PATJ: variants seen among roughly 807,000 people sequenced by gnomAD.
PATJ encodes inaD-like protein.
PATJ carries 190 observed loss-of-function variants against 224.9 expected under a neutral mutation model. That is an observed-to-expected ratio of 0.84 (90% CI 0.75 to 0.95). The LOEUF is 0.95. Among genes scored for constraint, PATJ ranks in the 40% least tolerant of loss-of-function variants. PATJ has a pLI of 0.00. For synonymous variants in PATJ, 769 were observed against 820.3 expected (o/e 0.94, Z 1.07); for missense variants, 2,121 against 2,270.3 (o/e 0.93, Z 1.34).
chr1:61,820,040 A>T (rs574125880), intron 14 of PATJ, among the ~76,000 whole-genome samples: 9 of 152,038 alleles, frequency 5.9e-5, no homozygotes, highest in African/African-American at 1.7e-4. Context: ...GTATTTAATT[A>T]ATTTATTTAT....
At chr1:62,012,112 T>C (rs1646486913) in intron 28 of PATJ, among the ~76,000 whole-genome samples, 1 of 152,176 alleles carries the variant, frequency 6.6e-6, no homozygotes, top group Non-Finnish European at 1.5e-5. Context: ...GACCTGGTTT[T>C]TGGTTGATAC....
intron 34 of PATJ, among the ~76,000 whole-genome samples, chr1:62,110,692 G>A (rs1167127219): frequency 2.0e-5 from 3 of 152,114 alleles, no homozygotes; most frequent in Admixed American, 2.0e-4. Flanking sequence ...GAGAGTTAAC[G>A]TCTGATTTTC....
chr1:61,909,667 A>G (rs971321290), intron 25 of PATJ, among the ~76,000 whole-genome samples: 8 of 152,096 alleles, frequency 5.3e-5, no homozygotes, highest in Admixed American at 3.3e-4. Context: ...ATAGGGTCTC[A>G]CTTTGTTCCC....
intron 27 of PATJ, among the ~76,000 whole-genome samples, chr1:61,930,122 A>C (rs888582469): frequency 6.6e-6 from 1 of 152,144 alleles, no homozygotes. Flanking sequence ...TGTATATATT[A>C]CTTTTCTCTT....
At chr1:61,834,297 A>G (rs1376933696) in intron 17 of PATJ, among the ~76,000 whole-genome samples, 1 of 152,204 alleles carries the variant, frequency 6.6e-6, no homozygotes, top group Non-Finnish European at 1.5e-5. Context: ...TAGCTTACCT[A>G]TTAATTTCAA....
rs146145234 is a variant in PATJ at position 62,018,823 on chromosome 1, C to A, written c.3959+876C>A. Among the ~76,000 whole-genome samples the A allele has an allele frequency of 1.5e-4, 23 of 152,138 alleles. No homozygotes were observed. Among genetic ancestry groups the A allele is most frequent in the Admixed American group, 1.4e-3 (22 of 15,264 alleles). ...CAATCATTATTATTCTTCCCTTTCT[C>A]GTTAGTTACCAGCAGTAAGATCTGT... is the stretch of plus-strand genomic sequence containing the variant. On this transcript the variant is annotated intron_variant, in intron 29 of 43. Coordinates refer to ENST00000642238, the MANE Select transcript of PATJ (RefSeq NM_001350145.3). This position sits in a 1 kb window ranked among gnomAD's most constrained non-coding sequence, Gnocchi z 4.2.
intron 18 of PATJ, among the ~76,000 whole-genome samples, chr1:61,856,668 A>C (rs1663723664): frequency 6.6e-6 from 1 of 152,142 alleles, no homozygotes; most frequent in African/African-American, 2.4e-5. Context: ...GGCTCACTGC[A>C]ACCTCCACTT....
intron 30 of PATJ, among the ~76,000 whole-genome samples, chr1:62,045,605 G>A (rs1210932775): frequency 6.6e-6 from 1 of 152,148 alleles, no homozygotes; most frequent in Non-Finnish European, 1.5e-5. Flanking sequence ...ATAGGGAGAA[G>A]TTGTTCTCCT....
chr1:62,151,116 G>A (rs1668587528), intron 42 of PATJ, among the ~76,000 whole-genome samples: 1 of 151,322 alleles, frequency 6.6e-6, no homozygotes, highest in Non-Finnish European at 1.5e-5. Context: ...TCCAGCCTGG[G>A]CAACAAGAGT....
At chr1:61,764,907 T>C (rs1304440136) in intron 3 of PATJ, among the ~76,000 whole-genome samples, 5 of 152,074 alleles carry the variant, frequency 3.3e-5, no homozygotes, top group Non-Finnish European at 7.4e-5. Flanking sequence ...ATCACACTTG[T>C]TGGACTAAGA....
At chr1:62,003,913 A>G (rs1156326735) in intron 28 of PATJ, among the ~76,000 whole-genome samples, 1 of 152,122 alleles carries the variant, frequency 6.6e-6, no homozygotes, top group Non-Finnish European at 1.5e-5. Flanking sequence ...CCACCCCGAA[A>G]GCTACACTGT....
intron 27 of PATJ, among the ~76,000 whole-genome samples, chr1:61,958,764 A>C (rs546504585): frequency 2.0e-5 from 3 of 152,290 alleles, no homozygotes; most frequent in East Asian, 3.9e-4. Flanking sequence ...GCCTCTAGTT[A>C]GTGTGTGACC....
chr1:62,098,112 C>T (rs906850125), intron 33 of PATJ, among the ~76,000 whole-genome samples: 82 of 152,192 alleles, frequency 5.4e-4, no homozygotes, highest in Non-Finnish European at 4.7e-4. Flanking sequence ...GTAATCCCAA[C>T]ACTTTAGGAG....
At chr1:62,140,505 T>C (rs11207908) in intron 41 of PATJ, among the ~76,000 whole-genome samples, 51,305 of 151,714 alleles carry the variant, frequency 0.34, 10,229 homozygotes, top group East Asian at 0.65. Flanking sequence ...ATACAAAAAT[T>C]AGCTGTGTGT....
intron 3 of PATJ, 80 bp from the exon 4 acceptor site, chr1:61,766,195 CTATG>C: frequency 1.1e-6 from 1 of 870,990 alleles, no homozygotes. Flanking sequence ...TGCAAAGTAT[CTATG>C]TAATGGTCAA....
At chr1:62,121,328 C>A (rs935815316) in intron 38 of PATJ, 33 bp downstream of exon 38, 3 of 1,202,132 alleles carry the variant, frequency 2.5e-6, no homozygotes, top group Non-Finnish European at 3.5e-6. Context: ...GCAAAACTAT[C>A]CTGTTACCCA....
intron 29 of PATJ, among the ~76,000 whole-genome samples, chr1:62,019,242 CAAA>C (rs57010731): frequency 8.2e-5 from 7 of 85,824 alleles, no homozygotes; most frequent in Admixed American, 4.2e-4. Flanking sequence ...GAGATTGTCT[CAAA>C]AAAAAAAAAA....
chr1:61,873,768 C>T (rs915476283), intron 20 of PATJ, among the ~76,000 whole-genome samples: 15 of 152,136 alleles, frequency 9.9e-5, no homozygotes. Flanking sequence ...GATAAGGGAA[C>T]CTGCACAGGG....
At chr1:61,871,485 G>GTATATACGCA (rs1557793331) in intron 20 of PATJ, among the ~76,000 whole-genome samples, 4 of 100,184 alleles carry the variant, frequency 4.0e-5, no homozygotes, top group Non-Finnish European at 7.8e-5. Flanking sequence ...ATATATATGT[G>GTATATACGCA]TATATATGTA....
Sources: gnomAD v4.1 joint callset for allele counts (sites outside exome capture counted in the v4.1 genomes callset) on GRCh38, gnomAD v4.1.1 for gene constraint, Gnocchi (gnomAD v3.1) non-coding constraint, MANE v1.5 for transcripts, NCBI Gene and HGNC (gene_info 2026-07-23, HGNC 2026-07-21) for gene names.